CPS1: variants seen among roughly 807,000 people sequenced by gnomAD.
CPS1 encodes carbamoyl-phosphate synthase 1.
A neutral mutation model predicts 174.6 loss-of-function variants in CPS1; 109 were observed. The ratio of observed to expected loss-of-function variants is 0.62; its 90% CI spans 0.53 to 0.73. The LOEUF is 0.73. Among genes scored for constraint, CPS1 ranks in the 30% least tolerant of loss-of-function variants. The pLI, the probability that CPS1 is intolerant of heterozygous loss-of-function variation, is 0.00. For synonymous variants in CPS1, 637 were observed against 632.0 expected, an observed-to-expected ratio of 1.01 and a Z score of -0.12; for missense variants, 1,689 against 1,821.9, an observed-to-expected ratio of 0.93 and a Z score of 1.33.
chr2:210,637,784 A>C lies in CPS1; in HGVS notation c.2770A>C (p.Thr924Pro), dbSNP rs1235152724. 1.2e-6 allele frequency: 2 copies of C among 1,613,876 alleles called. No individual in the cohort carries two copies. Among genetic ancestry groups the C allele is most frequent in the African/African-American group, 2.7e-5 (2 of 74,924 alleles). The change falls in exon 22 of 38, where the codon ACT becomes CCT. Residue 924 changes from threonine to proline, a missense_variant. Coordinates refer to ENST00000233072, the MANE Select transcript of CPS1 (RefSeq NM_001875.5). ...DKQISKCLGL[T>P]EAQTRELRLK... ...GCAGATTTCAAAATGCCTTGGGCTC[A>C]CTGAGGCCCAGACAAGGGAGCTGAG...
chr2:210,532,118 C>T (rs966568113), intron 1 of CPS1, among the ~76,000 whole-genome samples: 1 of 151,806 alleles, frequency 6.6e-6, no homozygotes, highest in African/African-American at 2.4e-5. Flanking sequence ...ATTTAGGGGC[C>T]CTGGGGTGAA....
chr2:210,586,273 A>G (rs1304362737), intron 6 of CPS1, among the ~76,000 whole-genome samples: 2 of 152,020 alleles, frequency 1.3e-5, no homozygotes, highest in African/African-American at 4.8e-5. Flanking sequence ...TCAATTTTAA[A>G]TTAGATATGT....
intron 21 of CPS1, among the ~76,000 whole-genome samples, chr2:210,635,618 C>G (rs1450185735): frequency 6.6e-6 from 1 of 152,094 alleles, no homozygotes; most frequent in Non-Finnish European, 1.5e-5. Flanking sequence ...CTAGGGGCTG[C>G]TATGTTGGAT....
intron 1 of CPS1, among the ~76,000 whole-genome samples, chr2:210,511,369 T>C (rs1005347635): frequency 1.3e-4 from 20 of 151,802 alleles, no homozygotes; most frequent in African/African-American, 4.4e-4. Flanking sequence ...CATCACACAC[T>C]TGGGGCCTGT....
chr2:210,487,161 A>G (rs1265753185), intron 1 of CPS1, among the ~76,000 whole-genome samples: 1 of 152,210 alleles, frequency 6.6e-6, no homozygotes, highest in East Asian at 1.9e-4. Flanking sequence ...ATTTCCTTAA[A>G]TAAGCTATTC....
intron 1 of CPS1, among the ~76,000 whole-genome samples, chr2:210,508,048 T>C (rs938478009): frequency 3.3e-5 from 5 of 151,858 alleles, no homozygotes; most frequent in Non-Finnish European, 5.9e-5. Context: ...TCTACAGAAC[T>C]CTCCACCCCA....
At chr2:210,509,954 A>C (rs1444915253) in intron 1 of CPS1, among the ~76,000 whole-genome samples, 1 of 152,178 alleles carries the variant, frequency 6.6e-6, no homozygotes, top group Non-Finnish European at 1.5e-5. Context: ...ATACTGCCCA[A>C]GGTAATTTAT....
chr2:210,576,746 C>G (rs537754752), intron 3 of CPS1, among the ~76,000 whole-genome samples: 1 of 152,124 alleles, frequency 6.6e-6, no homozygotes, highest in Middle Eastern at 3.4e-3. Flanking sequence ...GTTATAAGTT[C>G]AAATAACAAC....
intron 1 of CPS1, among the ~76,000 whole-genome samples, chr2:210,492,849 C>CA (rs144094685): frequency 0.053 from 8,091 of 151,916 alleles, 657 homozygotes; most frequent in African/African-American, 0.18. Context: ...TACAGTTATA[C>CA]AATAACTTAA....
intron 1 of CPS1, among the ~76,000 whole-genome samples, chr2:210,533,315 A>G (rs940354079): frequency 1.3e-5 from 2 of 152,168 alleles, no homozygotes; most frequent in Non-Finnish European, 2.9e-5. Flanking sequence ...TAACAACAAT[A>G]ACAGCAAACA....
chr2:210,666,968 G>A lies in CPS1; in HGVS notation c.4003-1218G>A, dbSNP rs561930924. Among the ~76,000 whole-genome samples the A allele has an allele frequency of 9.9e-4, 150 of 152,158 alleles. 1 individual carries two copies. Among genetic ancestry groups the A allele is most frequent in the Non-Finnish European group, 6.8e-4 (46 of 68,024 alleles). On this transcript the variant is annotated intron_variant, in intron 33 of 37. Transcript: ENST00000233072. Reference sequence around the variant, plus strand: ...TTCTTCCTACCCATGAGCATGGAATGTTCTTCCATTTGCTTGTATCCTCTT... The same window carrying A: ...TTCTTCCTACCCATGAGCATGGAATATTCTTCCATTTGCTTGTATCCTCTT...
Position 210,606,761 on chromosome 2 carries a change from C to T in CPS1, c.2012C>T (p.Thr671Ile). 1 of 1,612,510 alleles carries T rather than the reference C, an allele frequency of 6.2e-7. No individual in the cohort carries two copies. Among genetic ancestry groups the T allele is most frequent in the South Asian group, 1.1e-5 (1 of 91,068 alleles). The change falls in exon 18 of 38, where the codon ACA becomes ATA. Residue 671 changes from threonine (T) to isoleucine (I), a missense_variant. Coordinates refer to ENST00000233072, the MANE Select transcript of CPS1 (RefSeq NM_001875.5). Reference sequence around the variant, plus strand: ...TCAGTTGTTGTGGCTCCTGCCCAGACACTCTCCAATGCCGAGTTTCAGATG... The same window carrying T: ...TCAGTTGTTGTGGCTCCTGCCCAGATACTCTCCAATGCCGAGTTTCAGATG... ...GDSVVVAPAQ[T>I]LSNAEFQMLR... is the part of the protein sequence containing the mutation.
intron 1 of CPS1, among the ~76,000 whole-genome samples, chr2:210,514,358 T>C (rs1187094531): frequency 6.6e-6 from 1 of 151,992 alleles, no homozygotes; most frequent in Non-Finnish European, 1.5e-5. Context: ...TATGATTCCT[T>C]TGAGGAGTGT....
intron 1 of CPS1, among the ~76,000 whole-genome samples, chr2:210,494,538 C>T (rs2105955003): frequency 6.6e-6 from 1 of 152,240 alleles, no homozygotes; most frequent in South Asian, 2.1e-4. Flanking sequence ...CCTAAACGGC[C>T]CTATTGTCAA....
At position 210,599,803 on chromosome 2, in the gene CPS1, G is replaced by A. The variant is rs150377299; in HGVS notation, c.1549+242G>A. The stretch of plus-strand genomic sequence containing the variant: ...TTTAATGCTCCAGAGTGGCCAGTAG[G>A]TTTCTTGCATTTCTCTACTCTATCG... On this transcript the variant is annotated intron_variant, in intron 14 of 37. Coordinates refer to ENST00000233072, the MANE Select transcript of CPS1 (RefSeq NM_001875.5). Among the ~76,000 whole-genome samples, 843 of 151,958 alleles carry A rather than the reference G, an allele frequency of 5.5e-3. 4 individuals are homozygous for A. Among genetic ancestry groups the A allele is most frequent in the Non-Finnish European group, 8.6e-3 (583 of 67,914 alleles).
At chr2:210,555,582 T>C (rs1696887312), upstream of CPS1, 1 of 454,982 alleles carries the variant, frequency 2.2e-6, no homozygotes, top group South Asian at 1.6e-5. Context: ...ACTCTAGCAC[T>C]GATTCTATGT....
At position 210,642,675 on chromosome 2, in the gene CPS1, GA is replaced by G. The variant is rs577707531; in HGVS notation, c.3141+15del. On this transcript the variant is annotated intron_variant, in intron 25 of 37. Transcript: ENST00000233072. ...CATCTACCATCAGGAGGTAAGAAAA[GA>G]AAAACAGAAAAAAAAGAAAAAAGAA... The G allele has an allele frequency of 7.8e-3, 12,558 of 1,609,884 alleles. 75 individuals carry two copies. Among genetic ancestry groups the G allele is most frequent in the Non-Finnish European group, 8.8e-3 (10,330 of 1,177,868 alleles).
chr2:210,601,097 T>G (rs1698709381), intron 15 of CPS1, among the ~76,000 whole-genome samples: 1 of 151,938 alleles, frequency 6.6e-6, no homozygotes. Context: ...GAAATTTGCT[T>G]TAAATTTTTT....
chr2:210,553,263 CA>C (rs567608642), upstream of CPS1, among the ~76,000 whole-genome samples: 11 of 151,824 alleles, frequency 7.2e-5, no homozygotes, highest in South Asian at 2.3e-3. Flanking sequence ...TTAGTGTTAA[CA>C]GAGATTATGT....
Sources: allele counts gnomAD v4.1 joint callset (sites outside exome capture counted in the v4.1 genomes callset), GRCh38; gene constraint gnomAD v4.1.1; transcripts MANE v1.5; gene names NCBI Gene and HGNC (gene_info 2026-07-23, HGNC 2026-07-21).